Variants in PET117 observed in about 807,000 individuals in gnomAD.
PET117 encodes the protein PET117 cytochrome c oxidase chaperone, also known as protein PET117 homolog, mitochondrial.
Under a neutral mutation model 9.2 loss-of-function variants are expected in PET117, and 10 were observed. The observed-to-expected ratio is 1.09, with a 90% CI of 0.67 to 1.85. PET117 has a LOEUF of 1.85. Ranked by LOEUF, PET117 falls within the 40% of genes most tolerant of loss-of-function variation. PET117 has a pLI of 0.00. For synonymous variants in PET117, 43 were observed against 37.1 expected (o/e 1.16, Z -0.57); for missense variants, 96 against 98.2 (o/e 0.98, Z 0.09).
Position 18,138,321 on chromosome 20 carries a change from C to T in PET117, c.96+270C>T, listed in dbSNP as rs547790393. Reference sequence around the variant, plus strand: ...CCTTTGGAGCTCCGCGCTGAAGGGGCCTTGCTCCGCACAGGCACGGCACGC... The same window carrying T: ...CCTTTGGAGCTCCGCGCTGAAGGGGTCTTGCTCCGCACAGGCACGGCACGC... On this transcript the variant is annotated intron_variant, in intron 1 of 1. Transcript: ENST00000432901. 2.4e-5 allele frequency: 28 copies of T among 1,152,118 alleles called. No homozygotes were observed. In the South Asian group the frequency reaches 8.4e-4, roughly 34 times the overall value. 71.4% of individuals were successfully genotyped at this position (1,152,118 alleles called of 1,614,324 possible).
Position 18,142,818 on chromosome 20 carries a change from A to G in PET117, c.*461A>G. On this transcript the variant is annotated 3_prime_UTR_variant, in exon 2 of 2. Coordinates refer to ENST00000432901, the MANE Select transcript of PET117 (RefSeq NM_001164811.2). ...CAGGCATCAGTGGACTTATCGCACG[A>G]CCAGAGTGGGGATTCCCTCAACAGT... is the stretch of plus-strand genomic sequence containing the variant. 4 of 1,614,186 alleles carry G rather than the reference A, an allele frequency of 2.5e-6. No homozygotes were observed. Among genetic ancestry groups the G allele is most frequent in the Non-Finnish European group, 3.4e-6 (4 of 1,180,032 alleles).
At chr20:18,140,186 G>T (rs2037476658) in intron 1 of PET117, among the ~76,000 whole-genome samples, 1 of 152,040 alleles carries the variant, frequency 6.6e-6, no homozygotes, top group Non-Finnish European at 1.5e-5. Flanking sequence ...GGCTTGGGAG[G>T]GTGGGTATCG....
In PET117 at chr20:18,137,936, C is replaced by G; in HGVS notation, c.-20C>G. The G allele has an allele frequency of 6.8e-7, 1 of 1,477,810 alleles. No individual in the cohort carries two copies. Among genetic ancestry groups the G allele is most frequent in the Non-Finnish European group, 8.9e-7 (1 of 1,121,758 alleles). The allele number at this position is 1,477,810 out of a possible 1,614,324, so 91.5% of individuals were successfully genotyped here. A position where few individuals can be genotyped will look rare whatever the true frequency, so the allele number is the denominator to read the frequency against. On this transcript the variant is annotated 5_prime_UTR_variant, in exon 1 of 2. Transcript: ENST00000432901. The stretch of plus-strand genomic sequence containing the variant: ...GCCTCGGGCGGGCGGGAGAGAGAGG[C>G]CGCGGCCGCCAGCGTGGGGATGTCT...
At chr20:18,138,368 G>T in intron 1 of PET117, 1 of 1,069,258 alleles carries the variant, frequency 9.4e-7, no homozygotes. Context: ...GTGCCCAGTG[G>T]CTCTGTTTTC....
intron 1 of PET117, 82 bp from the exon 2 acceptor site, chr20:18,142,126 C>A: frequency 7.3e-7 from 1 of 1,361,342 alleles, no homozygotes; most frequent in Non-Finnish European, 9.7e-7. Flanking sequence ...ATTTTGGTAA[C>A]ACTGTTATTT....
Position 18,142,900 on chromosome 20 carries a change from C to T in PET117, c.*543C>T, listed in dbSNP as rs749104372. On this transcript the variant is annotated 3_prime_UTR_variant, in exon 2 of 2. Transcript: ENST00000432901. ...AGCTGTCCTACTTCTGTGACAAGTG[C>T]CAAAAATGGATACCAGCCAGTAAGG... is the stretch of plus-strand genomic sequence containing the variant. The T allele has an allele frequency of 1.2e-6, 2 of 1,613,884 alleles. No individual in the cohort carries two copies. The highest frequency in any genetic ancestry group is 2.2e-5 in the South Asian group (2 of 91,068).
At chr20:18,140,539 G>T (rs1383614012) in intron 1 of PET117, among the ~76,000 whole-genome samples, 1 of 152,060 alleles carries the variant, frequency 6.6e-6, no homozygotes, top group Non-Finnish European at 1.5e-5. Context: ...GCCAGGCACG[G>T]TAGCTCATGC....
At chr20:18,138,485 A>G (rs2037388337) in intron 1 of PET117, 2 of 986,142 alleles carry the variant, frequency 2.0e-6, no homozygotes, top group Non-Finnish European at 2.4e-6. Flanking sequence ...GCAAGCTACC[A>G]GCCTCCCTCC....
Position 18,141,023 on chromosome 20 carries a change from A to ATTTTTTTTTTTTTTTT in PET117, c.97-1177_97-1162dup, listed in dbSNP as rs67633205. Among the ~76,000 whole-genome samples the ATTTTTTTTTTTTTTTT allele has an allele frequency of 2.1e-4, 10 of 48,744 alleles. 1 individual carries two copies. Among genetic ancestry groups the ATTTTTTTTTTTTTTTT allele is most frequent in the Admixed American group, 5.9e-4 (2 of 3,374 alleles). The allele number at this position is 48,744 out of a possible 152,430, so 32.0% of individuals were successfully genotyped here. A position where few individuals can be genotyped will look rare whatever the true frequency, so the allele number is the denominator to read the frequency against. On this transcript the variant is annotated intron_variant, in intron 1 of 1. Transcript: ENST00000432901. ...CAGGCACACACCACCACTCCCTGCA[A>ATTTTTTTTTTTTTTTT]TTTTTTTTTTTTTTTTTTTTTTTAT...
rs749066519 is a variant in PET117 at position 18,142,794 on chromosome 20, A to G, written c.*437A>G. The G allele has an allele frequency of 5.0e-6, 8 of 1,614,226 alleles. No homozygotes were observed. The highest frequency in any genetic ancestry group is 5.1e-6 in the Non-Finnish European group (6 of 1,180,038). On this transcript the variant is annotated 3_prime_UTR_variant, in exon 2 of 2. Coordinates refer to ENST00000432901, the MANE Select transcript of PET117 (RefSeq NM_001164811.2). ...CTCCTGATCGTCGAATCCGAGGATC[A>G]GGCATCAGTGGACTTATCGCACGAC...
chr20:18,138,502 A>C (rs540253110), intron 1 of PET117: 1 of 974,616 alleles, frequency 1.0e-6, no homozygotes, highest in Admixed American at 6.1e-5. Flanking sequence ...CTCCTGGCCC[A>C]AGGTTGGGGT....
intron 1 of PET117, chr20:18,138,387 G>T: frequency 9.5e-7 from 1 of 1,048,294 alleles, no homozygotes; most frequent in African/African-American, 1.7e-5. Flanking sequence ...TCAAGTCACA[G>T]CCGGCCCGCA....
chr20:18,141,034 T>TA (rs1260152000), intron 1 of PET117, among the ~76,000 whole-genome samples: 87 of 19,152 alleles, frequency 4.5e-3, no homozygotes, highest in Non-Finnish European at 5.4e-3. Flanking sequence ...TTTTTTTTTT[T>TA]TTTTTTTTTT....
At position 18,142,856 on chromosome 20, in the gene PET117, G is replaced by A. The variant is rs200687917; in HGVS notation, c.*499G>A. The A allele has an allele frequency of 5.6e-6, 9 of 1,614,144 alleles. No homozygotes were observed. Among genetic ancestry groups the A allele is most frequent in the African/African-American group, 2.7e-5 (2 of 75,046 alleles). On this transcript the variant is annotated 3_prime_UTR_variant, in exon 2 of 2. Coordinates refer to ENST00000432901, the MANE Select transcript of PET117 (RefSeq NM_001164811.2). ...TTCCCTCAACAGTGATGAAGGAGACGTGTCTTGGATGGAGGAGCAGCTGTC... is the reference window on the plus strand; with the variant it reads ...TTCCCTCAACAGTGATGAAGGAGACATGTCTTGGATGGAGGAGCAGCTGTC...
chr20:18,140,463 C>T (rs1489140768), intron 1 of PET117, among the ~76,000 whole-genome samples: 4 of 152,128 alleles, frequency 2.6e-5, no homozygotes, highest in East Asian at 3.9e-4. Flanking sequence ...CACAAACATA[C>T]GCAGGCCCTG....
chr20:18,140,518 A>AC (rs1234161166), intron 1 of PET117, among the ~76,000 whole-genome samples: 2 of 151,850 alleles, frequency 1.3e-5, no homozygotes, highest in Non-Finnish European at 2.9e-5. Flanking sequence ...ACTATTAAAA[A>AC]CCATTTATTG....
Position 18,138,301 on chromosome 20 carries a change from G to A in PET117, c.96+250G>A, listed in dbSNP as rs957827262. On this transcript the variant is annotated intron_variant, in intron 1 of 1. Transcript: ENST00000432901. ...CCCGGCTGCCCGGCTTAGCGCCTTTGGAGCTCCGCGCTGAAGGGGCCTTGC... is the reference window on the plus strand; with the variant it reads ...CCCGGCTGCCCGGCTTAGCGCCTTTAGAGCTCCGCGCTGAAGGGGCCTTGC... 4 of 1,189,038 alleles carry A rather than the reference G, an allele frequency of 3.4e-6. No homozygotes were observed. In the African/African-American group the frequency reaches 4.8e-5, roughly 14 times the overall value. 73.7% of individuals were successfully genotyped at this position (1,189,038 alleles called of 1,614,324 possible).
chr20:18,142,218 A>G lies in PET117; in HGVS notation c.107A>G (p.Asp36Gly), dbSNP rs1198969114. The change falls in exon 2 of 2, where the codon GAC becomes GGC. Residue 36 changes from aspartate (D) to glycine (G), a missense_variant. Asp to Gly is a moderately conservative substitution (Grantham distance 94, BLOSUM62 -1). Coordinates refer to ENST00000432901, the MANE Select transcript of PET117 (RefSeq NM_001164811.2). ...KQQWDQQRLR[D>G]GVIRDIERQI... ...TTCTTACGTTTTTAGAGGCTTCGTG[A>G]CGGAGTTATCAGAGACATTGAGAGG... 1 of 1,537,110 alleles carries G rather than the reference A, an allele frequency of 6.5e-7. No homozygotes were observed. The highest frequency in any genetic ancestry group is 8.7e-7 in the Non-Finnish European group (1 of 1,146,822).
chr20:18,138,264 G>A (rs889060668), intron 1 of PET117: 1 of 1,229,986 alleles, frequency 8.1e-7, no homozygotes, highest in Non-Finnish European at 1.0e-6. Context: ...GCAGCCCGCA[G>A]ATTCAGGACG....
Sources: gnomAD v4.1 joint callset for allele counts (sites outside exome capture counted in the v4.1 genomes callset) on GRCh38, gnomAD v4.1.1 for gene constraint, MANE v1.5 for transcripts, NCBI Gene and HGNC (gene_info 2026-07-23, HGNC 2026-07-21) for gene names.